Variants in ALDH9A1 observed in about 807,000 individuals in gnomAD.
ALDH9A1 encodes 4-trimethylaminobutyraldehyde dehydrogenase.
ALDH9A1 carries 42 observed loss-of-function variants against 56.6 expected under a neutral mutation model. That is an observed-to-expected ratio of 0.74 (90% confidence interval 0.58 to 0.96). The LOEUF (loss-of-function observed/expected upper bound fraction) is 0.96, where lower values mean the gene tolerates loss of function less well. Among genes scored for constraint, ALDH9A1 ranks in the 40% least tolerant of loss-of-function variants. ALDH9A1 has a pLI of 0.00. For missense variants in ALDH9A1, 661 were observed against 651.5 expected (o/e 1.01, Z -0.16); for synonymous variants, 242 against 236.0 (o/e 1.03, Z -0.23).
chr1:165,662,993 G>C lies in ALDH9A1; in HGVS notation c.*57C>G. On this transcript the variant is annotated 3_prime_UTR_variant, in exon 11 of 11. Transcript: ENST00000354775. ...TTCAGTTGTACTGCCTCTGTAAACA[G>C]GGCCAATTCACATCATTCCACAGCG... The C allele has an allele frequency of 1.4e-6, 2 of 1,466,978 alleles. No homozygotes were observed. The highest frequency in any genetic ancestry group is 1.9e-6 in the Non-Finnish European group (2 of 1,046,198). 90.9% of individuals were successfully genotyped at this position (1,466,978 alleles called of 1,614,324 possible).
At chr1:165,672,424 A>G (rs886391913) in intron 6 of ALDH9A1, among the ~76,000 whole-genome samples, 1 of 152,222 alleles carries the variant, frequency 6.6e-6, no homozygotes, top group Admixed American at 6.5e-5. Flanking sequence ...TAAATATTGT[A>G]TGATTGCATT....
chr1:165,668,872 A>G (rs1649085722), intron 8 of ALDH9A1, 54 bp downstream of exon 8: 4 of 1,305,350 alleles, frequency 3.1e-6, no homozygotes, highest in Non-Finnish European at 2.2e-6. Context: ...ATTCATCTCT[A>G]TCTATTCAGT....
intron 2 of ALDH9A1, among the ~76,000 whole-genome samples, chr1:165,683,797 A>T (rs4646892): frequency 3.3e-5 from 5 of 151,942 alleles, no homozygotes; most frequent in African/African-American, 1.2e-4. Context: ...TAGATGGTCC[A>T]ATGATGAGCT....
intron 2 of ALDH9A1, among the ~76,000 whole-genome samples, chr1:165,686,646 C>A (rs183869576): frequency 1.1e-4 from 17 of 152,046 alleles, no homozygotes; most frequent in Admixed American, 6.5e-4. Flanking sequence ...AATAACATGG[C>A]GAAATTTGCT....
intron 2 of ALDH9A1, 81 bp from the exon 3 acceptor site, chr1:165,683,191 C>A: frequency 7.1e-7 from 1 of 1,413,180 alleles, no homozygotes; most frequent in Admixed American, 1.9e-5. Flanking sequence ...GAACACACTG[C>A]TCAATTTTTA....
intron 2 of ALDH9A1, among the ~76,000 whole-genome samples, chr1:165,687,168 GA>G (rs1201704215): frequency 6.6e-6 from 1 of 151,772 alleles, no homozygotes; most frequent in Non-Finnish European, 1.5e-5. Context: ...CTCAGAAGGA[GA>G]AAAAAACCCA....
intron 2 of ALDH9A1, among the ~76,000 whole-genome samples, chr1:165,689,813 A>C (rs1243122780): frequency 1.3e-5 from 2 of 151,864 alleles, no homozygotes; most frequent in Non-Finnish European, 2.9e-5. Flanking sequence ...ATGTGCCTGT[A>C]ATCCCAGCTA....
Position 165,669,002 on chromosome 1 carries a change from C to G in ALDH9A1, c.1131G>C (p.Val377=), listed in dbSNP as rs929395822. ...VKVAKEQGAK[V]LCGGDIYVPE... The stretch of plus-strand genomic sequence containing the variant: ...GTACATATATATCTCCACCACATAA[C>G]ACTTTAGCACCCTGCCGAAAAGGAA... The change falls in exon 8 of 11, where the codon GTG becomes GTC. Residue 377 remains valine, a synonymous_variant. Coordinates refer to ENST00000354775, the MANE Select transcript of ALDH9A1 (RefSeq NM_000696.4). 3 of 1,599,408 alleles carry G rather than the reference C, an allele frequency of 1.9e-6. No homozygotes were observed. In the African/African-American group the frequency reaches 4.0e-5, roughly 22 times the overall value.
At chr1:165,669,854 A>T (rs1218536971) in intron 6 of ALDH9A1, among the ~76,000 whole-genome samples, 1 of 152,180 alleles carries the variant, frequency 6.6e-6, no homozygotes, top group Non-Finnish European at 1.5e-5. Context: ...TTGTTAAAAA[A>T]TTTGTCTCTG....
chr1:165,694,694 C>T (rs1486125549), intron 2 of ALDH9A1, among the ~76,000 whole-genome samples: 2 of 152,150 alleles, frequency 1.3e-5, no homozygotes, highest in African/African-American at 2.4e-5. Flanking sequence ...CAGTGGCTCA[C>T]GCCTGTAATC....
chr1:165,688,177 T>G (rs1038656854), intron 2 of ALDH9A1, among the ~76,000 whole-genome samples: 6 of 151,822 alleles, frequency 4.0e-5, no homozygotes, highest in African/African-American at 1.5e-4. Context: ...ATTAGCCAAG[T>G]GTGGTGACAT....
intron 6 of ALDH9A1, chr1:165,676,734 C>A: frequency 5.9e-6 from 3 of 505,082 alleles, no homozygotes; most frequent in South Asian, 3.2e-5. Context: ...TGAGAACCAA[C>A]GGGAAGGAGC....
intron 1 of ALDH9A1, among the ~76,000 whole-genome samples, chr1:165,697,619 G>C (rs1650131069): frequency 6.6e-6 from 1 of 152,156 alleles, no homozygotes; most frequent in Non-Finnish European, 1.5e-5. Flanking sequence ...ATCTGTGAGC[G>C]TTCCTTCATT....
At chr1:165,675,514 G>A (rs887475445) in intron 6 of ALDH9A1, among the ~76,000 whole-genome samples, 1 of 152,118 alleles carries the variant, frequency 6.6e-6, no homozygotes, top group African/African-American at 2.4e-5. Flanking sequence ...AAACAAATCA[G>A]ACTGGCTACC....
intron 2 of ALDH9A1, among the ~76,000 whole-genome samples, chr1:165,694,807 T>C (rs1354508452): frequency 6.6e-6 from 1 of 151,782 alleles, no homozygotes; most frequent in African/African-American, 2.4e-5. Context: ...AATACAAAAA[T>C]TAGCCAGGCA....
intron 2 of ALDH9A1, among the ~76,000 whole-genome samples, chr1:165,687,772 G>C (rs371629117): frequency 2.6e-5 from 4 of 152,110 alleles, no homozygotes; most frequent in African/African-American, 9.7e-5. Flanking sequence ...CGGATCACTG[G>C]AGGTCAGCAG....
intron 2 of ALDH9A1, among the ~76,000 whole-genome samples, chr1:165,689,769 A>G (rs969407746): frequency 2.6e-5 from 4 of 151,922 alleles, no homozygotes; most frequent in African/African-American, 9.7e-5. Context: ...CTCTGTCTCT[A>G]CTAAAAATAC....
rs1040757455 is a variant in ALDH9A1 at position 165,668,976 on chromosome 1, G to A, written c.1157C>T (p.Pro386Leu). 1 of 1,611,762 alleles carries A rather than the reference G, an allele frequency of 6.2e-7. No individual in the cohort carries two copies. The highest frequency in any genetic ancestry group is 2.2e-5 in the East Asian group (1 of 44,832). Residue 386 changes from proline to leucine, a missense_variant, in exon 8 of 11, where the codon CCT (proline) becomes CTT (leucine). Physicochemically the swap from Pro to Leu is moderately conservative, Grantham distance 98. Transcript: ENST00000354775. ...KVLCGGDIYVPEDPKLKDGYY... is the reference protein window; with the variant it reads ...KVLCGGDIYVLEDPKLKDGYY... ...TCCATCCTTTAATTTGGGATCTTCA[G>A]GTACATATATATCTCCACCACATAA... is the stretch of plus-strand genomic sequence containing the variant.
chr1:165,687,966 T>TGA (rs941553493), intron 2 of ALDH9A1, among the ~76,000 whole-genome samples: 2 of 149,926 alleles, frequency 1.3e-5, no homozygotes, highest in Non-Finnish European at 3.0e-5. Flanking sequence ...CCAGCCTGGG[T>TGA]GAGAGAGAGA....
Sources: allele counts gnomAD v4.1 joint callset (sites outside exome capture counted in the v4.1 genomes callset), GRCh38; gene constraint gnomAD v4.1.1; transcripts MANE v1.5; gene names NCBI Gene and HGNC (gene_info 2026-07-23, HGNC 2026-07-21).